The following HOOK2 variants were observed in gnomAD, a reference collection of about 807,000 sequenced individuals.
The protein encoded by HOOK2 is hook microtubule tethering protein 2, also known as protein Hook homolog 2.
A neutral mutation model predicts 111.9 loss-of-function variants in HOOK2; 108 were observed. The observed-to-expected ratio is 0.96, with a 90% CI of 0.83 to 1.13. HOOK2 has a LOEUF of 1.13. Among genes scored for constraint, HOOK2 ranks in the 50% most tolerant of loss-of-function variants. HOOK2 has a pLI of 0.00. For missense variants in HOOK2, 978 were observed against 951.3 expected, an observed-to-expected ratio of 1.03 and a Z score of -0.37; for synonymous variants, 405 against 394.3, an observed-to-expected ratio of 1.03 and a Z score of -0.32.
upstream of HOOK2, among the ~76,000 whole-genome samples, chr19:12,780,339 A>G (rs975803096): frequency 1.3e-5 from 2 of 151,892 alleles, no homozygotes; most frequent in African/African-American, 2.4e-5. Flanking sequence ...CTTTGGGTCT[A>G]TATCTGTGTC....
rs751517458 is a variant in HOOK2 at position 12,763,741 on chromosome 19, G to C, written c.1865C>G (p.Ala622Gly). 6.2e-7 allele frequency: 1 copy of C among 1,614,026 alleles called. No homozygotes were observed. The highest frequency in any genetic ancestry group is 1.3e-5 in the African/African-American group (1 of 74,920). The change falls in exon 21 of 23, where the codon GCG becomes GGG. Residue 622 changes from alanine to glycine, a missense_variant. Physicochemically the swap from Ala to Gly is moderately conservative, Grantham distance 60. This residue lies in a region of HOOK2 where 277 missense variants were observed against 265.8 expected (regional missense o/e 1.04). Coordinates refer to ENST00000397668, the MANE Select transcript of HOOK2 (RefSeq NM_013312.3). The stretch of plus-strand genomic sequence containing the variant: ...GGAATGGAGTTCTGGAGGTGCCCCC[G>C]CAGCTGGCCGCTGCTTGGGTTCCAT... ...QTMEPKQRPA[A>G]GAPPELHSLR...
rs1171166968 is a variant in HOOK2, at chr19:12,772,787, T to C, written c.381A>G (p.Lys127=). The C allele has an allele frequency of 6.2e-7, 1 of 1,614,180 alleles. No homozygotes were observed. The highest frequency in any genetic ancestry group is 1.1e-5 in the South Asian group (1 of 91,088). The part of the protein sequence containing the change: ...LVLGCAISCE[K]KQDHIQRIMT... ...CCCCTAAGCTCCCCATACCCTGCTT[T>C]TTCTCGCAACTGATGGCACAGCCCA... Residue 127 remains lysine (K), a synonymous_variant, in exon 5 of 23, where the codon AAA becomes AAG. Transcript: ENST00000397668.
Position 12,765,038 on chromosome 19 carries a change from C to T in HOOK2, c.1684G>A (p.Glu562Lys), listed in dbSNP as rs752748971. The stretch of plus-strand genomic sequence containing the variant: ...GGTGGCTCCAGCTCCTCAATGTACT[C>T]CCGCTTCCTCTGCAACTCCAGATCT... The part of the protein sequence containing the change: ...EADLELQRKR[E>K]YIEELEPPTD... Residue 562 changes from glutamate (E) to lysine (K), a missense_variant, in exon 19 of 23, where the codon GAG becomes AAG. This residue lies in a region of HOOK2 where 277 missense variants were observed against 265.8 expected (regional missense o/e 1.04). Transcript: ENST00000397668. 6.2e-7 allele frequency: 1 copy of T among 1,614,168 alleles called. No homozygotes were observed. Among genetic ancestry groups the T allele is most frequent in the Admixed American group, 1.7e-5 (1 of 60,010 alleles).
At chr19:12,779,782 G>C (rs575901040), upstream of HOOK2, among the ~76,000 whole-genome samples, 1 of 152,154 alleles carries the variant, frequency 6.6e-6, no homozygotes, top group African/African-American at 2.4e-5. Context: ...GATTTGATGG[G>C]GGGGAGGGCT....
At chr19:12,769,222 C>A (rs1968243997) in intron 11 of HOOK2, among the ~76,000 whole-genome samples, 1 of 152,102 alleles carries the variant, frequency 6.6e-6, no homozygotes, top group Admixed American at 6.6e-5. Flanking sequence ...GCCTCGGCCT[C>A]CCAAAGTGCT....
intron 3 of HOOK2, chr19:12,792,291 G>C: frequency 6.7e-7 from 1 of 1,496,952 alleles, no homozygotes; most frequent in Non-Finnish European, 8.9e-7. Context: ...GGGCGTCTAC[G>C]CCGGCCCGGA....
intron 11 of HOOK2, among the ~76,000 whole-genome samples, chr19:12,769,422 C>T (rs1356098780): frequency 2.0e-5 from 3 of 152,052 alleles, no homozygotes; most frequent in African/African-American, 2.4e-5. Flanking sequence ...CCACCGCACC[C>T]GGTCTTTTTC....
At chr19:12,775,979 G>A (rs1010977238), upstream of HOOK2, among the ~76,000 whole-genome samples, 54 of 143,452 alleles carry the variant, frequency 3.8e-4, no homozygotes, top group Middle Eastern at 3.6e-3. Context: ...TGGGGTTCAC[G>A]CCATTCTCCT....
At chr19:12,783,645 TC>T (rs1379039852) in intron 3 of HOOK2, among the ~76,000 whole-genome samples, 1 of 152,072 alleles carries the variant, frequency 6.6e-6, no homozygotes, top group African/African-American at 2.4e-5. Context: ...GTCTCTGCCC[TC>T]ATTGCTGCCT....
chr19:12,769,007 C>T (rs1227539085), intron 11 of HOOK2, among the ~76,000 whole-genome samples: 1 of 149,968 alleles, frequency 6.7e-6, no homozygotes, highest in Non-Finnish European at 1.5e-5. Flanking sequence ...GCTCTGTCGC[C>T]CAGCCTGGAG....
chr19:12,778,952 C>T (rs1357196946), upstream of HOOK2, among the ~76,000 whole-genome samples: 1 of 152,154 alleles, frequency 6.6e-6, no homozygotes, highest in African/African-American at 2.4e-5. Context: ...CAGGGAGCCC[C>T]GCTGTGCGGA....
At chr19:12,773,180 G>T in intron 3 of HOOK2, 136 bp from the exon 4 acceptor site, 1 of 773,876 alleles carries the variant, frequency 1.3e-6, no homozygotes, top group Non-Finnish European at 2.2e-6. Context: ...TTCCTCTAGG[G>T]GTGACCTGTC....
chr19:12,769,190 C>G (rs1308277662), intron 11 of HOOK2, among the ~76,000 whole-genome samples: 1 of 151,896 alleles, frequency 6.6e-6, no homozygotes, highest in African/African-American at 2.4e-5. Flanking sequence ...TGGTCTCGAT[C>G]TCCTGACCTC....
intron 3 of HOOK2, chr19:12,792,231 C>A (rs1310504842): frequency 2.0e-6 from 3 of 1,526,260 alleles, no homozygotes; most frequent in Non-Finnish European, 1.8e-6. Flanking sequence ...CCACGTGACA[C>A]CCCCCAACGT....
At chr19:12,769,605 A>C (rs369710809) in intron 11 of HOOK2, among the ~76,000 whole-genome samples, 1 of 152,166 alleles carries the variant, frequency 6.6e-6, no homozygotes, top group Admixed American at 6.5e-5. Flanking sequence ...TCAATTTACC[A>C]CGAGTTTTGT....
At chr19:12,774,584 C>T in intron 3 of HOOK2, 85 bp downstream of exon 3, 1 of 1,253,462 alleles carries the variant, frequency 8.0e-7, no homozygotes, top group Non-Finnish European at 1.2e-6. Context: ...CTCTTCCTGC[C>T]CATCACCCAG....
chr19:12,788,133 A>G (rs968728690), intron 3 of HOOK2, among the ~76,000 whole-genome samples: 1 of 152,236 alleles, frequency 6.6e-6, no homozygotes, highest in Non-Finnish European at 1.5e-5. Context: ...CTGGTACTGC[A>G]TACATGCTTC....
At chr19:12,780,312 G>A (rs1483038531), upstream of HOOK2, among the ~76,000 whole-genome samples, 1 of 152,008 alleles carries the variant, frequency 6.6e-6, no homozygotes. Flanking sequence ...TACTATATAC[G>A]TCTATATGGG....
intron 20 of HOOK2, 77 bp downstream of exon 20, chr19:12,764,737 G>A: frequency 1.7e-6 from 2 of 1,211,124 alleles, no homozygotes; most frequent in African/African-American, 1.5e-5. Flanking sequence ...TGTGCAAGCA[G>A]GAGGTTTGAC....
Sources: allele counts gnomAD v4.1 joint callset (sites outside exome capture counted in the v4.1 genomes callset), GRCh38; gene constraint gnomAD v4.1.1; regional missense constraint gnomAD v4.1.1; transcripts MANE v1.5; gene names NCBI Gene and HGNC (gene_info 2026-07-23, HGNC 2026-07-21).